Variants in TMEM168 observed in about 807,000 individuals in gnomAD.
TMEM168 encodes transmembrane protein 168.
A neutral mutation model predicts 53.2 loss-of-function variants in TMEM168; 40 were observed. The ratio of observed to expected loss-of-function variants is 0.75; its 90% CI spans 0.58 to 0.98. The LOEUF is 0.98. Ranked by LOEUF, TMEM168 falls within the 50% of genes least tolerant of loss-of-function variation. TMEM168 has a pLI of 0.00. For synonymous variants in TMEM168, 282 were observed against 293.0 expected, an observed-to-expected ratio of 0.96 and a Z score of 0.38; for missense variants, 771 against 828.8, an observed-to-expected ratio of 0.93 and a Z score of 0.86.
intron 4 of TMEM168, among the ~76,000 whole-genome samples, chr7:112,769,934 T>A (rs1792886341): frequency 1.3e-5 from 2 of 152,176 alleles, no homozygotes; most frequent in South Asian, 4.1e-4. Context: ...CAAATATAGA[T>A]TCTCTTTCCC....
chr7:112,776,686 C>A (rs1370828029), intron 2 of TMEM168, among the ~76,000 whole-genome samples: 1 of 150,814 alleles, frequency 6.6e-6, no homozygotes, highest in Non-Finnish European at 1.5e-5. Context: ...ATCATCTATA[C>A]GCACAGCTAC....
At chr7:112,775,366 A>G in intron 2 of TMEM168, 48 bp from the exon 3 acceptor site, 3 of 1,483,560 alleles carry the variant, frequency 2.0e-6, no homozygotes, top group Non-Finnish European at 2.7e-6. Flanking sequence ...ACATATGTGT[A>G]TATATTTACA....
rs1476931846 is a variant in TMEM168 at position 112,767,437 on chromosome 7, C to A, written c.1854G>T (p.Val618=). ...KGRTVKAVYG[V]SKRWSDYTLH... ...GAGTGTAGTCACTCCACCGTTTTGA[C>A]ACACCATATACTGCTTTCACTGTGC... The change falls in exon 5 of 5, where the codon GTG becomes GTT. Residue 618 remains valine, a synonymous_variant. Transcript: ENST00000312814. 1 of 1,614,054 alleles carries A rather than the reference C, an allele frequency of 6.2e-7. No individual in the cohort carries two copies. The highest frequency in any genetic ancestry group is 1.3e-5 in the African/African-American group (1 of 74,924).
At position 112,783,884 on chromosome 7, in the gene TMEM168, TAAAAG is replaced by T; in HGVS notation, c.937_941del (p.Leu313AsnfsTer11). The T allele has an allele frequency of 6.3e-7, 1 of 1,598,852 alleles. No individual in the cohort carries two copies. The highest frequency in any genetic ancestry group is 8.5e-7 in the Non-Finnish European group (1 of 1,175,882). ...ATTTGGTATGGAATCCCCAAAGAGT[TAAAAG>T]AAAAATAATATGACAAATCATCCAG... On this transcript the variant is annotated frameshift_variant, in exon 2 of 5. Coordinates refer to ENST00000312814, the MANE Select transcript of TMEM168 (RefSeq NM_022484.6). LOFTEE classifies it high-confidence loss of function.
intron 2 of TMEM168, among the ~76,000 whole-genome samples, chr7:112,775,530 T>C (rs1215872258): frequency 2.0e-5 from 3 of 151,772 alleles, no homozygotes; most frequent in Non-Finnish European, 2.9e-5. Flanking sequence ...CTTAGTTTTT[T>C]GGAAGTTGTG....
intron 2 of TMEM168, among the ~76,000 whole-genome samples, chr7:112,781,849 C>G (rs1257538408): frequency 6.6e-6 from 1 of 151,994 alleles, no homozygotes; most frequent in Non-Finnish European, 1.5e-5. Flanking sequence ...ATACTAAAAG[C>G]AGAGCCCATA....
intron 4 of TMEM168, among the ~76,000 whole-genome samples, chr7:112,772,474 T>C (rs1001189060): frequency 2.0e-5 from 3 of 152,200 alleles, no homozygotes; most frequent in Non-Finnish European, 2.9e-5. Flanking sequence ...AACTTAAAGA[T>C]ACTAGTCAAA....
At chr7:112,789,665 TTA>T (rs1286569773) in intron 1 of TMEM168, among the ~76,000 whole-genome samples, 3 of 152,218 alleles carry the variant, frequency 2.0e-5, no homozygotes, top group African/African-American at 7.2e-5. Flanking sequence ...ATCACTTGCA[TTA>T]TCTTTCACTC....
intron 4 of TMEM168, among the ~76,000 whole-genome samples, chr7:112,770,289 T>A (rs1792894901): frequency 6.6e-6 from 1 of 152,184 alleles, no homozygotes; most frequent in African/African-American, 2.4e-5. Context: ...AGGCCATGCA[T>A]GACAGTATGC....
Position 112,764,201 on chromosome 7 carries a change from G to A in TMEM168, c.*2996C>T, listed in dbSNP as rs1052626284. ...TTCATACTGTTTTTTTTATTCTATT[G>A]AAAAAAAAGATGATGTTTTTAGAGC... On this transcript the variant is annotated 3_prime_UTR_variant, in exon 5 of 5. Transcript: ENST00000312814. The A allele has an allele frequency of 1.3e-5, 2 of 150,450 alleles. No homozygotes were observed. The highest frequency in any genetic ancestry group is 3.0e-5 in the Non-Finnish European group (2 of 67,614). The allele number at this position is 150,450 out of a possible 1,614,324, so 9.3% of individuals were successfully genotyped here.
intron 3 of TMEM168, among the ~76,000 whole-genome samples, chr7:112,774,892 T>C (rs1793034852): frequency 6.6e-6 from 1 of 152,150 alleles, no homozygotes; most frequent in Admixed American, 6.5e-5. Flanking sequence ...GAGGACACTT[T>C]CTTAACAAAA....
intron 4 of TMEM168, among the ~76,000 whole-genome samples, chr7:112,770,936 TA>T (rs1374093734): frequency 1.4e-4 from 21 of 152,208 alleles, no homozygotes; most frequent in Non-Finnish European, 3.1e-4. Context: ...AGGATTATAG[TA>T]AGTTTCAGCA....
chr7:112,771,051 T>C (rs1027220194), intron 4 of TMEM168, among the ~76,000 whole-genome samples: 1 of 152,220 alleles, frequency 6.6e-6, no homozygotes, highest in African/African-American at 2.4e-5. Flanking sequence ...CGTTATACTT[T>C]ACCTGAAACT....
chr7:112,763,567 G>C lies in TMEM168; in HGVS notation c.*3630C>G, dbSNP rs1584429604. The C allele has an allele frequency of 1.3e-5, 2 of 151,994 alleles. No individual in the cohort carries two copies. Among genetic ancestry groups the C allele is most frequent in the Non-Finnish European group, 2.9e-5 (2 of 67,984 alleles). The allele number at this position is 151,994 out of a possible 1,614,324, so 9.4% of individuals were successfully genotyped here. On this transcript the variant is annotated 3_prime_UTR_variant, in exon 5 of 5. Coordinates refer to ENST00000312814, the MANE Select transcript of TMEM168 (RefSeq NM_022484.6). ...GTACTGACAGATCTAACTCCTTTGA[G>C]CACTTACTGTCAAATATATCTAATC...
chr7:112,778,331 T>C (rs1793143481), intron 2 of TMEM168: 1 of 152,268 alleles, frequency 6.6e-6, no homozygotes, highest in African/African-American at 2.4e-5. Flanking sequence ...TGTATACAAA[T>C]GCCTGCAAGG....
In TMEM168 at chr7:112,790,234, G is replaced by C. The variant is rs912841128; in HGVS notation, c.-203C>G. The C allele has an allele frequency of 6.5e-6, 1 of 152,720 alleles. No individual in the cohort carries two copies. The highest frequency in any genetic ancestry group is 2.1e-4 in the South Asian group (1 of 4,836). 9.5% of individuals were successfully genotyped at this position (152,720 alleles called of 1,614,324 possible). A position where few individuals can be genotyped will look rare whatever the true frequency, so the allele number is the denominator to read the frequency against. ...TCCAAAACCAAACCAAAAAGGAGGAGAGCAGACAAGGCTTCAGCCTGCGAC... is the reference window on the plus strand; with the variant it reads ...TCCAAAACCAAACCAAAAAGGAGGACAGCAGACAAGGCTTCAGCCTGCGAC... On this transcript the variant is annotated 5_prime_UTR_variant, in exon 1 of 5. Coordinates refer to ENST00000312814, the MANE Select transcript of TMEM168 (RefSeq NM_022484.6).
At chr7:112,776,286 T>C (rs932742301) in intron 2 of TMEM168, among the ~76,000 whole-genome samples, 4 of 151,666 alleles carry the variant, frequency 2.6e-5, no homozygotes, top group African/African-American at 7.3e-5. Flanking sequence ...GAATGGAAAG[T>C]AGACAGGCAG....
rs537214325 is a variant in TMEM168 at position 112,765,735 on chromosome 7, AT to A, written c.*1461del. On this transcript the variant is annotated 3_prime_UTR_variant, in exon 5 of 5. Transcript: ENST00000312814. ...TTGCACATCATTAAATAAAAAATTA[AT>A]TTTTAACAAAATTTTATTTAGAGCA... 4.6e-5 allele frequency: 7 copies of A among 152,608 alleles called. No homozygotes were observed. The highest frequency in any genetic ancestry group is 8.8e-5 in the Non-Finnish European group (6 of 68,012). 9.5% of individuals were successfully genotyped at this position (152,608 alleles called of 1,614,324 possible).
chr7:112,767,433 T>C lies in TMEM168; in HGVS notation c.1858A>G (p.Lys620Glu), dbSNP rs770992044. Reference protein sequence around the residue: ...RTVKAVYGVSKRWSDYTLHLP... With the variant: ...RTVKAVYGVSERWSDYTLHLP... ...TGCAGAGTGTAGTCACTCCACCGTTTTGACACACCATATACTGCTTTCACT... is the reference window on the plus strand; with the variant it reads ...TGCAGAGTGTAGTCACTCCACCGTTCTGACACACCATATACTGCTTTCACT... The change falls in exon 5 of 5, where the codon AAA becomes GAA. Residue 620 changes from lysine to glutamate, a missense_variant. Coordinates refer to ENST00000312814, the MANE Select transcript of TMEM168 (RefSeq NM_022484.6). The C allele has an allele frequency of 2.5e-6, 4 of 1,614,202 alleles. No homozygotes were observed. The highest frequency in any genetic ancestry group is 3.4e-6 in the Non-Finnish European group (4 of 1,180,028).
Sources: gnomAD v4.1 joint callset for allele counts (sites outside exome capture counted in the v4.1 genomes callset) on GRCh38, gnomAD v4.1.1 for gene constraint, MANE v1.5 for transcripts, NCBI Gene and HGNC (gene_info 2026-07-23, HGNC 2026-07-21) for gene names.